Variants in KIF14 observed in about 807,000 individuals in gnomAD.
The protein encoded by KIF14 is kinesin-like protein KIF14.
Under a neutral mutation model 176.2 loss-of-function variants are expected in KIF14, and 98 were observed. The observed-to-expected ratio is 0.56, with a 90% CI of 0.47 to 0.66. The LOEUF (loss-of-function observed/expected upper bound fraction) is 0.66. KIF14 is among the 30% of genes least tolerant of loss of function. The probability of loss-of-function intolerance (pLI) is 0.00; values close to 1 mark genes in which losing one functional copy is unlikely to be tolerated. For missense variants in KIF14, 1,751 were observed against 1,920.4 expected (o/e 0.91, Z 1.65); for synonymous variants, 566 against 632.2 (o/e 0.90, Z 1.57).
Position 200,617,833 on chromosome 1 carries a change from CTT to C in KIF14, c.889_890del (p.Lys297GlufsTer10), listed in dbSNP as rs781722425. 1 of 1,614,192 alleles carries C rather than the reference CTT, an allele frequency of 6.2e-7. No individual in the cohort carries two copies. Among genetic ancestry groups the C allele is most frequent in the Non-Finnish European group, 8.5e-7 (1 of 1,180,024 alleles). On this transcript the variant is annotated frameshift_variant, in exon 2 of 30. Coordinates refer to ENST00000367350, the MANE Select transcript of KIF14 (RefSeq NM_014875.3). LOFTEE classifies it high-confidence loss of function. The stretch of plus-strand genomic sequence containing the variant: ...TCTTCAGTATTGATGGAGCTGGGCT[CTT>C]AAGCTGAGGCAGGCTGCACTTTGTT... Reference protein sequence around the residue: ...LTTKCSLPQLKSPAPSILKNR... With the variant: ...LTTKCSLPQLXSPAPSILKNR...
chr1:200,595,273 C>CAT (rs5780031), intron 14 of KIF14, among the ~76,000 whole-genome samples: 85,671 of 151,868 alleles, frequency 0.56, 24,864 homozygotes, highest in East Asian at 0.69. Context: ...ATGCAGTACT[C>CAT]ATAACACTTA....
Position 200,605,864 on chromosome 1 carries a change from C to T in KIF14, c.1638G>A (p.Gln546=). Residue 546 remains glutamine, a splice_region_variant and synonymous_variant, in exon 7 of 30, where the codon CAG becomes CAA. Transcript: ENST00000367350. ...MNIVSSYADI[Q]SWLELGNKQR... ...GAAAAGAAAACAAAATCAATCTTAC[C>T]TGGATATCAGCGTAAGAACTGACAA... 6.6e-7 allele frequency: 1 copy of T among 1,520,922 alleles called. No individual in the cohort carries two copies. Among genetic ancestry groups the T allele is most frequent in the Non-Finnish European group, 8.9e-7 (1 of 1,128,302 alleles). 94.2% of individuals were successfully genotyped at this position (1,520,922 alleles called of 1,614,324 possible). A position where few individuals can be genotyped will look rare whatever the true frequency, so the allele number is the denominator to read the frequency against.
intron 21 of KIF14, among the ~76,000 whole-genome samples, chr1:200,576,457 G>T (rs1044537839): frequency 2.8e-5 from 4 of 140,962 alleles, no homozygotes; most frequent in Non-Finnish European, 6.1e-5. Flanking sequence ...CAGCCTGGGC[G>T]ACAGAGCGAG....
In KIF14 at chr1:200,553,318, T is replaced by C; in HGVS notation, c.*70A>G. The C allele has an allele frequency of 6.9e-7, 1 of 1,453,364 alleles. No homozygotes were observed. The highest frequency in any genetic ancestry group is 9.3e-7 in the Non-Finnish European group (1 of 1,079,582). 90.0% of individuals were successfully genotyped at this position (1,453,364 alleles called of 1,614,324 possible). A position where few individuals can be genotyped will look rare whatever the true frequency, so the allele number is the denominator to read the frequency against. On this transcript the variant is annotated 3_prime_UTR_variant, in exon 30 of 30. Transcript: ENST00000367350. ...CTGATTTCTCTTAAACTCTCCTGCA[T>C]AAAGAAAATTACCGAGCAAGTGTTC...
intron 9 of KIF14, 31 bp from the exon 10 acceptor site, chr1:200,603,372 T>A: frequency 2.0e-6 from 2 of 1,019,612 alleles, no homozygotes; most frequent in Non-Finnish European, 3.0e-6. Context: ...ATTTTTAACT[T>A]AAAATACTTC....
At chr1:200,575,095 T>C (rs1292067057) in intron 22 of KIF14, among the ~76,000 whole-genome samples, 2 of 151,538 alleles carry the variant, frequency 1.3e-5, no homozygotes, top group Non-Finnish European at 2.9e-5. Context: ...TAGCTGGGAG[T>C]ACAAGTGCCT....
Position 200,600,444 on chromosome 1 carries a change from G to A in KIF14, c.2212C>T (p.Pro738Ser). ...AAQRNSRNID[P>S]ERYRLCRQEI... ...TGCCGACAGAGCCTGTATCGTTCAG[G>A]GTCAATATTCCGACTGTTTCTCTGA... The change falls in exon 12 of 30, where the codon CCT becomes TCT. Residue 738 changes from proline (P) to serine (S), a missense_variant. Coordinates refer to ENST00000367350, the MANE Select transcript of KIF14 (RefSeq NM_014875.3). 6.2e-7 allele frequency: 1 copy of A among 1,613,432 alleles called. No homozygotes were observed. The highest frequency in any genetic ancestry group is 8.5e-7 in the Non-Finnish European group (1 of 1,179,500).
chr1:200,589,175 T>C, intron 18 of KIF14, 42 bp downstream of exon 18: 1 of 1,514,614 alleles, frequency 6.6e-7, no homozygotes, highest in Non-Finnish European at 8.9e-7. Flanking sequence ...AAAATCCAGC[T>C]TTTTCTCAGA....
rs199603598 is a variant in KIF14 at position 200,580,276 on chromosome 1, G to A, written c.3443C>T (p.Ala1148Val). The A allele has an allele frequency of 9.4e-5, 137 of 1,455,722 alleles. No individual in the cohort carries two copies. Among genetic ancestry groups the A allele is most frequent in the Non-Finnish European group, 1.1e-4 (123 of 1,092,394 alleles). 90.2% of individuals were successfully genotyped at this position (1,455,722 alleles called of 1,614,324 possible). The change falls in exon 21 of 30, where the codon GCA (alanine) becomes GTA (valine). Residue 1148 changes from alanine to valine, a missense_variant. Ala to Val is a moderately conservative substitution (Grantham distance 64). Coordinates refer to ENST00000367350, the MANE Select transcript of KIF14 (RefSeq NM_014875.3). Reference protein sequence around the residue: ...WSLEKFESKLAAMKELYESNG... With the variant: ...WSLEKFESKLVAMKELYESNG... ...AACCTCATAAAGTTCTTTCATTGCT[G>A]CAAGTTTAGATTCAAACTTTTCCAG...
intron 10 of KIF14, 130 bp downstream of exon 10, chr1:200,603,096 G>A: frequency 1.9e-6 from 1 of 515,150 alleles, no homozygotes; most frequent in Non-Finnish European, 3.4e-6. Flanking sequence ...AATCCAGGTA[G>A]TTTGGCTCTA....
Position 200,565,262 on chromosome 1 carries a change from G to A in KIF14, c.3887-9C>T. 1 of 1,577,786 alleles carries A rather than the reference G, an allele frequency of 6.3e-7. No homozygotes were observed. The highest frequency in any genetic ancestry group is 1.2e-5 in the South Asian group (1 of 85,412). On this transcript the variant is annotated splice_polypyrimidine_tract_variant and intron_variant, in intron 24 of 29. Coordinates refer to ENST00000367350, the MANE Select transcript of KIF14 (RefSeq NM_014875.3). ...TCGATCAGAAGAAAACACTTTGAAA[G>A]AAGAAGAAAAATTACTGAATGAAAT...
chr1:200,571,314 C>T (rs1381361580), intron 22 of KIF14, among the ~76,000 whole-genome samples: 1 of 37,454 alleles, frequency 2.7e-5, no homozygotes, highest in Admixed American at 2.5e-4. Context: ...GACTCCATCT[C>T]AAAAAGAAAA....
intron 28 of KIF14, 97 bp downstream of exon 28, chr1:200,555,283 G>T: frequency 1.3e-6 from 1 of 761,522 alleles, no homozygotes; most frequent in Non-Finnish European, 2.2e-6. Flanking sequence ...AGTTGTCTCT[G>T]GCTAAGGATA....
chr1:200,553,427 G>A lies in KIF14; in HGVS notation c.4908C>T (p.Ser1636=), dbSNP rs757399197. Residue 1636 remains serine (S), a synonymous_variant, in exon 30 of 30, where the codon AGC becomes AGT. Transcript: ENST00000367350. ...YELHGSSPAV[S]SEECTPSRIQ... Reference sequence around the variant, plus strand: ...TCCTACTGGGTGTGCATTCCTCTGAGCTCACTGCTGGGGATGAGCCATGGA... The same window carrying A: ...TCCTACTGGGTGTGCATTCCTCTGAACTCACTGCTGGGGATGAGCCATGGA... 18 of 1,613,674 alleles carry A rather than the reference G, an allele frequency of 1.1e-5. No individual in the cohort carries two copies. The highest frequency in any genetic ancestry group is 1.6e-4 in the Middle Eastern group (1 of 6,084).
chr1:200,606,270 A>G (rs1340727924), intron 6 of KIF14, among the ~76,000 whole-genome samples: 1 of 152,164 alleles, frequency 6.6e-6, no homozygotes, highest in Non-Finnish European at 1.5e-5. Context: ...CAGCTGAGTT[A>G]ATACTTAATA....
intron 2 of KIF14, among the ~76,000 whole-genome samples, chr1:200,616,504 C>T (rs1660412270): frequency 6.6e-6 from 1 of 152,132 alleles, no homozygotes; most frequent in African/African-American, 2.4e-5. Flanking sequence ...CTCAGTTCTC[C>T]CTCTTAATAC....
At chr1:200,586,856 C>A (rs1004259003) in intron 18 of KIF14, among the ~76,000 whole-genome samples, 2 of 149,336 alleles carry the variant, frequency 1.3e-5, no homozygotes, top group African/African-American at 4.9e-5. Context: ...AAGAAAATAT[C>A]TTTTGCAGCA....
intron 19 of KIF14, among the ~76,000 whole-genome samples, chr1:200,584,110 T>C (rs1413408249): frequency 6.7e-6 from 1 of 149,848 alleles, no homozygotes; most frequent in Non-Finnish European, 1.5e-5. Context: ...CCCAGCTACT[T>C]GGGAAGCTGA....
Position 200,586,089 on chromosome 1 carries a change from G to A in KIF14, c.3241+12C>T, listed in dbSNP as rs899919743. ...TTTTAGAAAATGTTTGCTAAAATCA[G>A]CACACACTTACCTGTAAAAGTTTTA... On this transcript the variant is annotated intron_variant, in intron 19 of 29. Transcript: ENST00000367350. The A allele has an allele frequency of 1.3e-6, 2 of 1,492,134 alleles. No homozygotes were observed. Among genetic ancestry groups the A allele is most frequent in the Admixed American group, 2.0e-5 (1 of 49,776 alleles). The allele number at this position is 1,492,134 out of a possible 1,614,324, so 92.4% of individuals were successfully genotyped here. A position where few individuals can be genotyped will look rare whatever the true frequency, so the allele number is the denominator to read the frequency against.
Sources: allele counts gnomAD v4.1 joint callset (sites outside exome capture counted in the v4.1 genomes callset), GRCh38; gene constraint gnomAD v4.1.1; transcripts MANE v1.5; gene names NCBI Gene and HGNC (gene_info 2026-07-23, HGNC 2026-07-21).